ANKS1B: variants seen among roughly 807,000 people sequenced by gnomAD.
ANKS1B encodes the protein ankyrin repeat and sterile alpha motif domain containing 1B, also known as ankyrin repeat and sterile alpha motif domain-containing protein 1B.
A neutral mutation model predicts 148.3 loss-of-function variants in ANKS1B; 36 were observed. The observed-to-expected ratio is 0.24, with a 90% CI of 0.19 to 0.32. The LOEUF (loss-of-function observed/expected upper bound fraction) is 0.32, where lower values mean the gene tolerates loss of function less well. Among genes scored for constraint, ANKS1B ranks in the 10% least tolerant of loss-of-function variants. ANKS1B has a pLI of 1.00. For missense variants in ANKS1B, 1,157 were observed against 1,542.6 expected (o/e 0.75, Z 4.19); for synonymous variants, 542 against 560.8 (o/e 0.97, Z 0.47).
At chr12:99,746,455 GCAGT>G (rs1371737774) in intron 8 of ANKS1B, among the ~76,000 whole-genome samples, 1 of 152,070 alleles carries the variant, frequency 6.6e-6, no homozygotes, top group African/African-American at 2.4e-5. Flanking sequence ...TGTGGCCTCA[GCAGT>G]CAGTCATTTT....
intron 15 of ANKS1B, among the ~76,000 whole-genome samples, chr12:99,127,353 G>A (rs2064716858): frequency 6.6e-6 from 1 of 151,712 alleles, no homozygotes; most frequent in Admixed American, 6.6e-5. Flanking sequence ...TTTTTTTAAA[G>A]CCTGACAGGA....
intron 12 of ANKS1B, chr12:99,352,123 T>A (rs1180977818): frequency 2.0e-5 from 3 of 151,960 alleles, no homozygotes; most frequent in South Asian, 2.1e-4. Flanking sequence ...TACAATTTCT[T>A]CTTGCCCTTC....
intron 17 of ANKS1B, among the ~76,000 whole-genome samples, chr12:98,951,522 C>T (rs973616459): frequency 5.9e-5 from 9 of 152,176 alleles, no homozygotes; most frequent in East Asian, 3.9e-4. Flanking sequence ...GTTGCCCTCC[C>T]GGTGTTCTGC....
At chr12:99,386,675 TG>T (rs1455769800) in intron 12 of ANKS1B, among the ~76,000 whole-genome samples, 1 of 152,242 alleles carries the variant, frequency 6.6e-6, no homozygotes, top group Non-Finnish European at 1.5e-5. Flanking sequence ...TTGGAAATGC[TG>T]GGCCAATTAC....
chr12:99,532,831 G>T (rs1231182608), intron 9 of ANKS1B, among the ~76,000 whole-genome samples: 3 of 152,144 alleles, frequency 2.0e-5, no homozygotes, highest in Non-Finnish European at 4.4e-5. Flanking sequence ...TCAGTTGGTT[G>T]TAGGTATTTT....
At chr12:99,761,649 G>T (rs1264466589) in intron 8 of ANKS1B, among the ~76,000 whole-genome samples, 1 of 152,106 alleles carries the variant, frequency 6.6e-6, no homozygotes, top group Admixed American at 6.6e-5. Context: ...AGACAAGTAT[G>T]GCTACTCTCA....
intron 17 of ANKS1B, among the ~76,000 whole-genome samples, chr12:98,945,396 G>A (rs2099843505): frequency 6.6e-6 from 1 of 151,520 alleles, no homozygotes. Flanking sequence ...TTGGGAGGCT[G>A]AGGTAGAAGG....
At chr12:99,383,603 T>C (rs897147443) in intron 12 of ANKS1B, among the ~76,000 whole-genome samples, 2 of 152,142 alleles carry the variant, frequency 1.3e-5, no homozygotes, top group Admixed American at 6.5e-5. Context: ...TTGACAAAAA[T>C]ATTACCTCCC....
intron 15 of ANKS1B, among the ~76,000 whole-genome samples, chr12:99,136,507 A>T (rs1747413139): frequency 6.6e-6 from 1 of 152,190 alleles, no homozygotes; most frequent in South Asian, 2.1e-4. Context: ...GTCGCACTTG[A>T]ATTTGTGGGC....
At chr12:99,670,364 T>A (rs577288065) in intron 8 of ANKS1B, among the ~76,000 whole-genome samples, 3 of 152,094 alleles carry the variant, frequency 2.0e-5, no homozygotes, top group Non-Finnish European at 4.4e-5. Flanking sequence ...AATATGAGAG[T>A]TATTCAATTA....
intron 17 of ANKS1B, among the ~76,000 whole-genome samples, chr12:99,014,502 C>T (rs1173768029): frequency 6.6e-6 from 1 of 152,030 alleles, no homozygotes; most frequent in Non-Finnish European, 1.5e-5. Flanking sequence ...GCAATTGCAA[C>T]AAAAGCAAAA....
chr12:99,392,993 T>C (rs1412837391), intron 12 of ANKS1B, among the ~76,000 whole-genome samples: 2 of 152,162 alleles, frequency 1.3e-5, no homozygotes, highest in South Asian at 2.1e-4. Context: ...AAACACCAAA[T>C]ATCTTTGAAT....
chr12:98,953,839 T>C (rs1163144420), intron 17 of ANKS1B, among the ~76,000 whole-genome samples: 2 of 152,170 alleles, frequency 1.3e-5, no homozygotes, highest in Non-Finnish European at 2.9e-5. Flanking sequence ...GAATGCATCT[T>C]ACATGGCCTT....
At chr12:99,138,018 A>G (rs2068744534) in intron 15 of ANKS1B, among the ~76,000 whole-genome samples, 1 of 152,188 alleles carries the variant, frequency 6.6e-6, no homozygotes, top group Non-Finnish European at 1.5e-5. Flanking sequence ...GGTGCCTGAA[A>G]TGTAAGCAAA....
At chr12:98,975,541 C>T (rs910944020) in intron 17 of ANKS1B, among the ~76,000 whole-genome samples, 1 of 152,126 alleles carries the variant, frequency 6.6e-6, no homozygotes, top group African/African-American at 2.4e-5. Flanking sequence ...CAGGAGCTTA[C>T]TTCCTAGTGG....
chr12:99,495,342 AGTGTGTGTGTGTGTGTGTGT>A (rs56107230), intron 10 of ANKS1B, among the ~76,000 whole-genome samples: 1 of 145,298 alleles, frequency 6.9e-6, no homozygotes. Flanking sequence ...GGGGAGAAAA[AGTGTGTGTGTGTGTGTGTGT>A]GTGTGTGTGT....
At chr12:98,919,701 G>A (rs1184188350) in intron 17 of ANKS1B, among the ~76,000 whole-genome samples, 1 of 151,988 alleles carries the variant, frequency 6.6e-6, no homozygotes, top group Non-Finnish European at 1.5e-5. Flanking sequence ...TTTTTAGTTT[G>A]CTCTTACTGA....
chr12:98,945,021 C>CT (rs1164663579), intron 17 of ANKS1B, among the ~76,000 whole-genome samples: 1 of 152,146 alleles, frequency 6.6e-6, no homozygotes. Flanking sequence ...TCCCCCACTG[C>CT]TTTTTTAACA....
At chr12:99,078,530 G>T (rs1433695162) in intron 16 of ANKS1B, among the ~76,000 whole-genome samples, 2 of 152,096 alleles carry the variant, frequency 1.3e-5, no homozygotes, top group Non-Finnish European at 2.9e-5. Context: ...AGAGACATGT[G>T]CCTCTTTTTT....
Sources: gnomAD v4.1 joint callset for allele counts (sites outside exome capture counted in the v4.1 genomes callset) on GRCh38, gnomAD v4.1.1 for gene constraint, MANE v1.5 for transcripts, NCBI Gene and HGNC (gene_info 2026-07-23, HGNC 2026-07-21) for gene names.